FRMD4A: variants seen among roughly 807,000 people sequenced by gnomAD.
The protein encoded by FRMD4A is FERM domain containing 4A.
In FRMD4A, 29 loss-of-function variants were observed where a neutral mutation model predicts 129.1. The observed-to-expected ratio is 0.22, with a 90% CI of 0.17 to 0.31. The LOEUF (loss-of-function observed/expected upper bound fraction) is 0.31. Ranked by LOEUF, FRMD4A falls within the 10% of genes least tolerant of loss-of-function variation. The pLI is 1.00. For missense variants in FRMD4A, 1,272 were observed against 1,375.8 expected (o/e 0.92, Z 1.19); for synonymous variants, 634 against 571.6 (o/e 1.11, Z -1.56).
intron 2 of FRMD4A, among the ~76,000 whole-genome samples, chr10:13,950,528 T>C (rs535611245): frequency 6.6e-6 from 1 of 152,242 alleles, no homozygotes; most frequent in East Asian, 1.9e-4. Flanking sequence ...AAAAATGCCA[T>C]GACAAGGCAG....
At chr10:13,897,796 G>A (rs1002964233) in intron 2 of FRMD4A, among the ~76,000 whole-genome samples, 1 of 151,788 alleles carries the variant, frequency 6.6e-6, no homozygotes. Context: ...AAATTAGCCG[G>A]GTGTGGTTGC....
chr10:13,679,883 A>C (rs1589337753), intron 15 of FRMD4A, among the ~76,000 whole-genome samples: 2 of 152,214 alleles, frequency 1.3e-5, no homozygotes, highest in East Asian at 3.9e-4. Context: ...ACACACCAGC[A>C]ACATTCCACA....
intron 2 of FRMD4A, among the ~76,000 whole-genome samples, chr10:14,181,900 A>G (rs1444905871): frequency 6.6e-6 from 1 of 152,156 alleles, no homozygotes; most frequent in Non-Finnish European, 1.5e-5. Context: ...CATATTGACC[A>G]GGCTGGTCTT....
At chr10:13,795,736 G>C (rs1341235476) in intron 5 of FRMD4A, among the ~76,000 whole-genome samples, 6 of 152,186 alleles carry the variant, frequency 3.9e-5, no homozygotes, top group Admixed American at 3.3e-4. Context: ...GTGTTTCGGA[G>C]CTGCTGGACT....
chr10:13,897,062 T>G (rs1256482845), intron 2 of FRMD4A, among the ~76,000 whole-genome samples: 1 of 152,242 alleles, frequency 6.6e-6, no homozygotes. Context: ...ATTCCAAAAA[T>G]GGAACACTAG....
At chr10:13,894,192 C>T (rs1211420606) in intron 2 of FRMD4A, among the ~76,000 whole-genome samples, 1 of 152,166 alleles carries the variant, frequency 6.6e-6, no homozygotes, top group Non-Finnish European at 1.5e-5. Context: ...TCATCTTTCA[C>T]CAGGATGTCT....
intron 2 of FRMD4A, among the ~76,000 whole-genome samples, chr10:14,024,697 T>C (rs574952307): frequency 1.6e-4 from 25 of 152,234 alleles, no homozygotes; most frequent in Non-Finnish European, 2.9e-4. Context: ...AGATGAAGAC[T>C]GCAGCCACTG....
chr10:14,320,918 C>G lies in FRMD4A; in HGVS notation c.45+9140G>C, dbSNP rs372526325. Reference sequence around the variant, plus strand: ...CCCTTGCCTGCTTCTTGCAGCTCACCCTTCAGTTCAAATGCAACCTCTTCT... The same window carrying G: ...CCCTTGCCTGCTTCTTGCAGCTCACGCTTCAGTTCAAATGCAACCTCTTCT... On this transcript the variant is annotated intron_variant, in intron 2 of 24. Coordinates refer to ENST00000357447, the MANE Select transcript of FRMD4A (RefSeq NM_018027.5). Among the ~76,000 whole-genome samples the G allele has an allele frequency of 3.9e-5, 6 of 152,340 alleles. No homozygotes were observed. In the East Asian group the frequency reaches 1.2e-3, roughly 29 times the overall value.
intron 2 of FRMD4A, among the ~76,000 whole-genome samples, chr10:14,225,087 A>T (rs1180522383): frequency 6.6e-6 from 1 of 152,210 alleles, no homozygotes; most frequent in Non-Finnish European, 1.5e-5. Flanking sequence ...TTCTTATTAG[A>T]ATTAGCAGGA....
Position 13,700,820 on chromosome 10 carries a change from C to CTTTTTT in FRMD4A, c.975+514_975+519dup, listed in dbSNP as rs71503097. ...CTACCTTAGGGAAACAGGGTAGTTG[C>CTTTTTT]TTTTTTTTTTTTTTTTTTTTTTTTT... On this transcript the variant is annotated intron_variant, in intron 14 of 24. Transcript: ENST00000357447. Among the ~76,000 whole-genome samples the CTTTTTT allele has an allele frequency of 3.1e-3, 137 of 44,700 alleles. 13 individuals are homozygous for CTTTTTT. The highest frequency in any genetic ancestry group is 0.011 in the African/African-American group (130 of 11,578). 29.3% of individuals were successfully genotyped at this position (44,700 alleles called of 152,430 possible).
At chr10:14,178,440 C>T (rs1304121061) in intron 2 of FRMD4A, among the ~76,000 whole-genome samples, 2 of 152,172 alleles carry the variant, frequency 1.3e-5, no homozygotes, top group Non-Finnish European at 2.9e-5. Flanking sequence ...TAAACATTTA[C>T]AAAATGGAGC....
At chr10:14,294,976 T>A (rs911698513) in intron 2 of FRMD4A, among the ~76,000 whole-genome samples, 2 of 152,146 alleles carry the variant, frequency 1.3e-5, no homozygotes, top group African/African-American at 4.8e-5. Context: ...ATTCCCTGCT[T>A]TTTTTTAAAT....
intron 2 of FRMD4A, among the ~76,000 whole-genome samples, chr10:14,177,103 G>A (rs767517944): frequency 1.3e-5 from 2 of 152,268 alleles, no homozygotes; most frequent in South Asian, 4.1e-4. Context: ...GACATGTAAA[G>A]GTTCATGAAC....
intron 2 of FRMD4A, among the ~76,000 whole-genome samples, chr10:14,320,113 A>G (rs529967019): frequency 6.6e-6 from 1 of 151,998 alleles, no homozygotes; most frequent in South Asian, 2.1e-4. Context: ...AATTCATGCA[A>G]TTGCCTCTAA....
intron 17 of FRMD4A, among the ~76,000 whole-genome samples, chr10:13,670,061 C>G (rs2083391518): frequency 1.3e-5 from 2 of 152,162 alleles, no homozygotes; most frequent in South Asian, 4.1e-4. Flanking sequence ...GATCACACAT[C>G]AAGCTTGGCT....
chr10:14,102,604 C>T (rs1307125679), intron 2 of FRMD4A, among the ~76,000 whole-genome samples: 1 of 152,128 alleles, frequency 6.6e-6, no homozygotes, highest in African/African-American at 2.4e-5. Flanking sequence ...AAGTTTGAAA[C>T]GCTTTGGAAA....
intron 2 of FRMD4A, among the ~76,000 whole-genome samples, chr10:13,889,985 G>C (rs1436856493): frequency 6.6e-6 from 1 of 152,166 alleles, no homozygotes; most frequent in Non-Finnish European, 1.5e-5. Context: ...CCTCATTCCT[G>C]CTGTGCCCTA....
At chr10:14,321,789 C>T (rs911279455) in intron 2 of FRMD4A, among the ~76,000 whole-genome samples, 13 of 152,172 alleles carry the variant, frequency 8.5e-5, no homozygotes, top group African/African-American at 3.1e-4. Flanking sequence ...GCATCTGTGT[C>T]CCTGCCCAAA....
At chr10:14,245,621 A>G (rs149935860) in intron 2 of FRMD4A, among the ~76,000 whole-genome samples, 1 of 152,248 alleles carries the variant, frequency 6.6e-6, no homozygotes, top group African/African-American at 2.4e-5. Flanking sequence ...TAAAGGAGGT[A>G]ATTAGGGTGG....
Sources: gnomAD v4.1 joint callset for allele counts (sites outside exome capture counted in the v4.1 genomes callset) on GRCh38, gnomAD v4.1.1 for gene constraint, MANE v1.5 for transcripts, NCBI Gene and HGNC (gene_info 2026-07-23, HGNC 2026-07-21) for gene names.